PIAS4: variants seen among roughly 807,000 people sequenced by gnomAD.
PIAS4 encodes E3 SUMO-protein ligase PIAS4.
In PIAS4, 7 loss-of-function variants were observed where a neutral mutation model predicts 58.0. The observed-to-expected ratio is 0.12, with a 90% CI of 0.07 to 0.23. The LOEUF is 0.23. PIAS4 is among the 10% of genes least tolerant of loss of function. The pLI is 1.00. For synonymous variants in PIAS4, 364 were observed against 312.4 expected (o/e 1.17, Z -1.74); for missense variants, 550 against 709.5 (o/e 0.78, Z 2.55).
At chr19:4,025,043 C>T (rs1867695) in intron 3 of PIAS4, among the ~76,000 whole-genome samples, 132,653 of 152,272 alleles carry the variant, frequency 0.87, 58,475 homozygotes, top group East Asian at 0.96. Context: ...GGATTACAGG[C>T]GTGAGCCACT....
chr19:4,014,684 A>G (rs779716424), intron 2 of PIAS4, among the ~76,000 whole-genome samples: 3 of 152,202 alleles, frequency 2.0e-5, no homozygotes, highest in Admixed American at 1.3e-4. Context: ...AACCCTGTGC[A>G]TGCCCCCTCC....
intron 7 of PIAS4, among the ~76,000 whole-genome samples, chr19:4,029,754 C>T (rs1259089160): frequency 2.6e-5 from 4 of 151,512 alleles, no homozygotes; most frequent in African/African-American, 9.7e-5. Context: ...AGCCATCCTC[C>T]TGCCTCAGCC....
chr19:4,010,046 TC>T (rs1403702255), intron 1 of PIAS4, among the ~76,000 whole-genome samples: 28 of 152,334 alleles, frequency 1.8e-4, no homozygotes, highest in Admixed American at 1.2e-3. Flanking sequence ...CCATGCGACT[TC>T]CAGGCAAGCC....
chr19:4,029,058 G>T, intron 7 of PIAS4, 22 bp downstream of exon 7: 1 of 1,548,060 alleles, frequency 6.5e-7, no homozygotes, highest in South Asian at 1.2e-5. Flanking sequence ...AGGCCACCTC[G>T]GCCGAGGGGT....
At position 4,028,555 on chromosome 19, in the gene PIAS4, G is replaced by C; in HGVS notation, c.627G>C (p.Pro209=). 1.2e-6 allele frequency: 2 copies of C among 1,612,946 alleles called. No individual in the cohort carries two copies. Among genetic ancestry groups the C allele is most frequent in the Middle Eastern group, 3.3e-4 (2 of 6,060 alleles). ...GCTGCCCTCAGGAGGACCAGTACCC[G>C]CCCAACATCGCTGTGAAGGTCAACC... is the stretch of plus-strand genomic sequence containing the variant. The part of the protein sequence containing the change: ...DTSCPQEDQY[P]PNIAVKVNHS... Residue 209 remains proline (P), a synonymous_variant, in exon 5 of 11, where the codon CCG becomes CCC. Coordinates refer to ENST00000262971, the MANE Select transcript of PIAS4 (RefSeq NM_015897.4).
chr19:4,017,674 G>C (rs867710669), intron 2 of PIAS4: 1 of 134,194 alleles, frequency 7.5e-6, no homozygotes, highest in African/African-American at 2.8e-5. Context: ...GGTCCCATCC[G>C]ATCAGCTTTT....
At chr19:4,033,223 TC>T (rs779963736) in intron 8 of PIAS4, 50 bp downstream of exon 8, 10 of 1,539,002 alleles carry the variant, frequency 6.5e-6, no homozygotes, top group Middle Eastern at 1.7e-4. Flanking sequence ...CGGCCGGCCT[TC>T]CCCCCTGGCG....
intron 2 of PIAS4, among the ~76,000 whole-genome samples, chr19:4,023,415 G>T (rs1054866710): frequency 6.6e-6 from 1 of 152,282 alleles, no homozygotes; most frequent in Admixed American, 6.5e-5. Flanking sequence ...AGCCGAGATC[G>T]TGCCATTGCA....
intron 7 of PIAS4, among the ~76,000 whole-genome samples, chr19:4,031,272 T>G (rs1434723415): frequency 6.6e-6 from 1 of 152,124 alleles, no homozygotes; most frequent in Non-Finnish European, 1.5e-5. Context: ...CCCATCGTGT[T>G]GAAGCCTCCT....
rs552414320 is a variant in PIAS4 at position 4,038,750 on chromosome 19, C to T, written c.*875C>T. The T allele has an allele frequency of 4.3e-4, 66 of 154,832 alleles. No homozygotes were observed. Among genetic ancestry groups the T allele is most frequent in the African/African-American group, 1.5e-3 (62 of 41,570 alleles). 9.6% of individuals were successfully genotyped at this position (154,832 alleles called of 1,614,324 possible). Reference sequence around the variant, plus strand: ...GCCGCCGCCGCCACCATACCCCGGTCCTTGGGGCATGGGTTGCGGTCGCTT... The same window carrying T: ...GCCGCCGCCGCCACCATACCCCGGTTCTTGGGGCATGGGTTGCGGTCGCTT... On this transcript the variant is annotated 3_prime_UTR_variant, in exon 11 of 11. Coordinates refer to ENST00000262971, the MANE Select transcript of PIAS4 (RefSeq NM_015897.4). The surrounding 1 kb of genome is among the most constrained non-coding windows in gnomAD (Gnocchi z 4.1).
chr19:4,020,338 TCCTGGGAGCA>T (rs1382427238), intron 2 of PIAS4, among the ~76,000 whole-genome samples: 3 of 152,266 alleles, frequency 2.0e-5, no homozygotes, highest in East Asian at 1.9e-4. Context: ...TGCACTGCCG[TCCTGGGAGCA>T]CCTGGGAGCA....
rs540264409 is a variant in PIAS4 at position 4,039,312 on chromosome 19, C to T, written c.*1437C>T. Reference sequence around the variant, plus strand: ...CCCGCCCGCACGGGCAGCTGAAGGCCGCTGTTTTCTAATATTTGTATTCTA... The same window carrying T: ...CCCGCCCGCACGGGCAGCTGAAGGCTGCTGTTTTCTAATATTTGTATTCTA... On this transcript the variant is annotated 3_prime_UTR_variant, in exon 11 of 11. Coordinates refer to ENST00000262971, the MANE Select transcript of PIAS4 (RefSeq NM_015897.4). 8 of 152,244 alleles carry T rather than the reference C, an allele frequency of 5.3e-5. No individual in the cohort carries two copies. Among genetic ancestry groups the T allele is most frequent in the African/African-American group, 9.7e-5 (4 of 41,450 alleles). 9.4% of individuals were successfully genotyped at this position (152,244 alleles called of 1,614,324 possible). A position where few individuals can be genotyped will look rare whatever the true frequency, so the allele number is the denominator to read the frequency against.
intron 1 of PIAS4, among the ~76,000 whole-genome samples, chr19:4,011,755 G>A (rs2039996135): frequency 3.1e-5 from 1 of 32,284 alleles, no homozygotes; most frequent in African/African-American, 1.8e-4. Context: ...GTGTGGAGGT[G>A]TGTGGGGTGT....
In PIAS4 at chr19:4,037,386, G is replaced by T; in HGVS notation, c.1155G>T (p.Lys385Asn). ...CGCCTCGCCCCAGGCTCCTCTCGAA[G>T]ATCCTGAGCGAGTGTGAGGACGCCG... Reference protein sequence around the residue: ...DQLIIDGLLSKILSECEDADE... With the variant: ...DQLIIDGLLSNILSECEDADE... The change falls in exon 10 of 11, where the codon AAG becomes AAT. Residue 385 changes from lysine (K) to asparagine (N), a missense_variant. Around this residue, in one of 4 missense-constraint regions of PIAS4, gnomAD observed 188 missense variants for 192.0 expected, o/e 0.98. Transcript: ENST00000262971. This position sits in a 1 kb window ranked among gnomAD's most constrained non-coding sequence, Gnocchi z 5.8. The T allele has an allele frequency of 6.2e-7, 1 of 1,606,002 alleles. No individual in the cohort carries two copies. The highest frequency in any genetic ancestry group is 1.1e-5 in the South Asian group (1 of 90,924).
intron 9 of PIAS4, among the ~76,000 whole-genome samples, chr19:4,034,011 C>T (rs2040251116): frequency 6.6e-6 from 1 of 152,246 alleles, no homozygotes; most frequent in Non-Finnish European, 1.5e-5. Context: ...CTACGCCATG[C>T]CCTTCCCTTC....
chr19:4,024,744 T>G (rs922801034), intron 3 of PIAS4, among the ~76,000 whole-genome samples: 7 of 136,166 alleles, frequency 5.1e-5, no homozygotes, highest in African/African-American at 2.0e-4. Context: ...AGCAGGAAGT[T>G]AAGTCAGGTG....
intron 2 of PIAS4, among the ~76,000 whole-genome samples, chr19:4,023,755 C>T (rs2040134213): frequency 6.6e-6 from 1 of 152,216 alleles, no homozygotes; most frequent in Admixed American, 6.5e-5. Context: ...TTTCGGTTTC[C>T]TAAGTAGACG....
intron 2 of PIAS4, among the ~76,000 whole-genome samples, chr19:4,019,828 C>G (rs1046390381): frequency 6.6e-6 from 1 of 152,192 alleles, no homozygotes; most frequent in Non-Finnish European, 1.5e-5. Context: ...CACCGGTCCC[C>G]GAAGAAACAG....
chr19:4,014,643 C>T (rs2040033260), intron 2 of PIAS4, among the ~76,000 whole-genome samples: 2 of 152,236 alleles, frequency 1.3e-5, no homozygotes, highest in Admixed American at 6.5e-5. Flanking sequence ...GGGCACGCAG[C>T]AGGGAACAGG....
Sources: gnomAD v4.1 joint callset for allele counts (sites outside exome capture counted in the v4.1 genomes callset) on GRCh38, gnomAD v4.1.1 for gene constraint, gnomAD v4.1.1 regional missense constraint, Gnocchi (gnomAD v3.1) non-coding constraint, MANE v1.5 for transcripts, NCBI Gene and HGNC (gene_info 2026-07-23, HGNC 2026-07-21) for gene names.